Variants in GPR137 observed in about 807,000 individuals in gnomAD.
The protein encoded by GPR137 is integral membrane protein GPR137.
A neutral mutation model predicts 38.9 loss-of-function variants in GPR137; 20 were observed. The ratio of observed to expected loss-of-function variants is 0.51; its 90% CI spans 0.36 to 0.75. The LOEUF is 0.75. GPR137 is among the 30% of genes least tolerant of loss of function. GPR137 has a pLI of 0.00. For synonymous variants in GPR137, 226 were observed against 235.8 expected (o/e 0.96, Z 0.38); for missense variants, 456 against 526.4 (o/e 0.87, Z 1.31).
At chr11:64,278,846 C>T (rs977748675) in intron 2 of GPR137, among the ~76,000 whole-genome samples, 9 of 152,326 alleles carry the variant, frequency 5.9e-5, no homozygotes, top group Middle Eastern at 6.8e-3. Context: ...AGTTGCTCTG[C>T]GCAGGTAGAG....
intron 2 of GPR137, chr11:64,287,415 T>C (rs1445944096): frequency 7.3e-5 from 54 of 744,806 alleles, no homozygotes; most frequent in Non-Finnish European, 8.7e-5. Context: ...CCTGAGAGGC[T>C]ACTATCCTCC....
At chr11:64,284,354 T>G, upstream of GPR137, 3 of 1,612,944 alleles carry the variant, frequency 1.9e-6, no homozygotes, top group Non-Finnish European at 1.7e-6. Context: ...GCTCAAACTC[T>G]GGGATCTGGA....
chr11:64,270,668 G>C lies in GPR137; in HGVS notation c.3+7G>C, dbSNP rs1210457906. The C allele has an allele frequency of 5.2e-6, 3 of 571,656 alleles. No homozygotes were observed. The East Asian group carries it at 1.2e-4, about 23-fold the overall frequency. 35.4% of individuals were successfully genotyped at this position (571,656 alleles called of 1,614,324 possible). ...CAAAGGGCCGGGAGCGATGGTGAGC[G>C]CCTGTAATCCCAGCACTTTGGGAGG... On this transcript the variant is annotated splice_region_variant and intron_variant, in intron 1 of 4. Transcript: ENST00000546139.
At position 64,287,054 on chromosome 11, in the gene GPR137, A is replaced by G. The variant is rs757029050; in HGVS notation, c.407+40A>G. The G allele has an allele frequency of 3.7e-6, 6 of 1,602,592 alleles. No individual in the cohort carries two copies. In the African/African-American group the frequency reaches 6.7e-5, roughly 18 times the overall value. ...CACTGGTGGGCTCAGCCTCCAGGTC[A>G]GGGGCAGGTGACAGTCCCATGTAGA... On this transcript the variant is annotated intron_variant, in intron 2 of 6. Coordinates refer to ENST00000438980, the MANE Select transcript of GPR137 (RefSeq NM_001170880.2).
At position 64,286,789 on chromosome 11, in the gene GPR137, C is replaced by T. The variant is rs1356099228; in HGVS notation, c.265C>T (p.Arg89Cys). 4 of 1,607,210 alleles carry T rather than the reference C, an allele frequency of 2.5e-6. No individual in the cohort carries two copies. The highest frequency in any genetic ancestry group is 3.4e-6 in the Non-Finnish European group (4 of 1,175,714). The change falls in exon 1 of 7, where the codon CGC becomes TGC. Residue 89 changes from arginine to cysteine, a missense_variant. Coordinates refer to ENST00000438980, the MANE Select transcript of GPR137 (RefSeq NM_001170880.2). The stretch of plus-strand genomic sequence containing the variant: ...CTTCCGAGATACTCCCCGCGCCAAC[C>T]GCCTGGGGCCCTTGCCCTTCTGGCT... ...FYFRDTPRANRLGPLPFWLLY... is the reference protein window; with the variant it reads ...FYFRDTPRANCLGPLPFWLLY...
At chr11:64,272,035 G>C (rs1406783984), upstream of GPR137, among the ~76,000 whole-genome samples, 2 of 152,220 alleles carry the variant, frequency 1.3e-5, no homozygotes, top group Admixed American at 1.3e-4. Flanking sequence ...TCCTTACCGA[G>C]TGCCAATAAT....
upstream of GPR137, among the ~76,000 whole-genome samples, chr11:64,283,204 C>T (rs760616997): frequency 1.3e-5 from 2 of 152,210 alleles, no homozygotes; most frequent in Non-Finnish European, 2.9e-5. Context: ...GTCTTTTAAG[C>T]TGCAGTGCCA....
In GPR137 at chr11:64,287,881, C is replaced by T. The variant is rs1280839426; in HGVS notation, c.568C>T (p.Leu190Phe). The change falls in exon 3 of 7, where the codon CTT (leucine) becomes TTT (phenylalanine). Residue 190 changes from leucine (L) to phenylalanine (F), a missense_variant. Transcript: ENST00000438980. ...DSLFVICALS[L>F]AACLCLVARR... is the part of the protein sequence containing the mutation. ...CCTGTTCGTCATCTGCGCGCTGTCT[C>T]TTGCTGCCTGCCTCTGCCTCGTCGC... 1 of 1,603,922 alleles carries T rather than the reference C, an allele frequency of 6.2e-7. No homozygotes were observed. The highest frequency in any genetic ancestry group is 8.5e-7 in the Non-Finnish European group (1 of 1,179,940).
upstream of GPR137, among the ~76,000 whole-genome samples, chr11:64,273,205 T>C (rs887028701): frequency 6.4e-4 from 97 of 152,222 alleles, no homozygotes; most frequent in African/African-American, 2.3e-3. Context: ...AAACTCCGTC[T>C]CTACTAAAAA....
At chr11:64,280,813 G>C (rs573705641), upstream of GPR137, among the ~76,000 whole-genome samples, 82 of 151,014 alleles carry the variant, frequency 5.4e-4, no homozygotes, top group African/African-American at 2.0e-3. Context: ...GATTACAGGC[G>C]CCCACCACCA....
upstream of GPR137, chr11:64,284,884 C>T: frequency 6.8e-7 from 1 of 1,466,580 alleles, no homozygotes; most frequent in Non-Finnish European, 9.0e-7. Context: ...CGCTGCCTCA[C>T]ACCTTGGGCG....
rs755343938 is a variant in GPR137 at position 64,289,291 on chromosome 11, G to T, written c.*95G>T. On this transcript the variant is annotated 3_prime_UTR_variant, in exon 7 of 7. Coordinates refer to ENST00000438980, the MANE Select transcript of GPR137 (RefSeq NM_001170880.2). ...TCTGCCGCTTCTTGCCCAGGATCCT[G>T]GGGGTCGTGGCTACCCCCTCCTCTG... The T allele has an allele frequency of 1.2e-6, 2 of 1,613,176 alleles. No individual in the cohort carries two copies. Among genetic ancestry groups the T allele is most frequent in the Non-Finnish European group, 1.7e-6 (2 of 1,179,802 alleles).
chr11:64,282,010 C>A (rs536828975), upstream of GPR137, among the ~76,000 whole-genome samples: 84 of 152,318 alleles, frequency 5.5e-4, no homozygotes, highest in Admixed American at 2.9e-3. Context: ...TGAGCCACCG[C>A]GCCCGGCCTC....
upstream of GPR137, chr11:64,271,947 G>C (rs1161054662): frequency 3.6e-6 from 2 of 555,860 alleles, no homozygotes; most frequent in Non-Finnish European, 5.5e-6. Context: ...CAGAGCCCCA[G>C]TCCCTTGTAT....
At chr11:64,282,206 C>G (rs969818511), upstream of GPR137, among the ~76,000 whole-genome samples, 1 of 152,200 alleles carries the variant, frequency 6.6e-6, no homozygotes, top group Non-Finnish European at 1.5e-5. Flanking sequence ...ACGGTGAGCA[C>G]TCACTGTGTG....
chr11:64,270,679 C>CA, intron 1 of GPR137: 1 of 550,432 alleles, frequency 1.8e-6, no homozygotes, highest in East Asian at 4.4e-5. Flanking sequence ...CCTGTAATCC[C>CA]AGCACTTTGG....
upstream of GPR137, among the ~76,000 whole-genome samples, chr11:64,282,041 G>A (rs2033512550): frequency 6.6e-6 from 1 of 152,086 alleles, no homozygotes; most frequent in African/African-American, 2.4e-5. Context: ...TTTACATGCT[G>A]CCCCCATACA....
chr11:64,279,643 A>G (rs372797758), upstream of GPR137, among the ~76,000 whole-genome samples: 12 of 151,504 alleles, frequency 7.9e-5, no homozygotes, highest in African/African-American at 2.2e-4. Context: ...CATGCCTGTA[A>G]TCCCAGCTAC....
rs375716859 is a variant in GPR137, at chr11:64,288,976, C to T, written c.1032-61C>T. On this transcript the variant is annotated intron_variant, in intron 6 of 6. Coordinates refer to ENST00000438980, the MANE Select transcript of GPR137 (RefSeq NM_001170880.2). The surrounding 1 kb of genome is among the most constrained non-coding windows in gnomAD (Gnocchi z 5.5). Reference sequence around the variant, plus strand: ...CTGTTCTAAGCCTGTCTTCCTCCTGCAGCTCTTGTGACTGTGGCCCTGGTC... The same window carrying T: ...CTGTTCTAAGCCTGTCTTCCTCCTGTAGCTCTTGTGACTGTGGCCCTGGTC... The T allele has an allele frequency of 1.4e-6, 2 of 1,466,912 alleles. No homozygotes were observed. The highest frequency in any genetic ancestry group is 2.5e-5 in the East Asian group (1 of 40,456). 90.9% of individuals were successfully genotyped at this position (1,466,912 alleles called of 1,614,324 possible).
Sources: allele counts gnomAD v4.1 joint callset (sites outside exome capture counted in the v4.1 genomes callset), GRCh38; gene constraint gnomAD v4.1.1; non-coding constraint Gnocchi (gnomAD v3.1); transcripts MANE v1.5; gene names NCBI Gene and HGNC (gene_info 2026-07-23, HGNC 2026-07-21).